Variants in ASIC2 observed in about 807,000 individuals in gnomAD.
The protein encoded by ASIC2 is acid-sensing ion channel 2.
In ASIC2, 25 loss-of-function variants were observed where a neutral mutation model predicts 57.3. That is an observed-to-expected ratio of 0.44 (90% CI 0.32 to 0.61). The LOEUF (loss-of-function observed/expected upper bound fraction) is 0.61. Among genes scored for constraint, ASIC2 ranks in the 20% least tolerant of loss-of-function variants. The pLI is 0.06. For synonymous variants in ASIC2, 319 were observed against 307.5 expected (o/e 1.04, Z -0.39); for missense variants, 641 against 738.1 (o/e 0.87, Z 1.52).
chr17:33,577,768 C>G (rs1916677510), intron 1 of ASIC2, among the ~76,000 whole-genome samples: 1 of 152,130 alleles, frequency 6.6e-6, no homozygotes, highest in African/African-American at 2.4e-5. Context: ...CCTCTGTGTT[C>G]ACACCATGTT....
chr17:33,463,747 A>G (rs1912719755), intron 1 of ASIC2, among the ~76,000 whole-genome samples: 2 of 152,342 alleles, frequency 1.3e-5, no homozygotes, highest in African/African-American at 4.8e-5. Flanking sequence ...TGGGGCTCCC[A>G]GCCCAGTCGA....
At chr17:33,579,782 A>T (rs904533178) in intron 1 of ASIC2, among the ~76,000 whole-genome samples, 1 of 152,170 alleles carries the variant, frequency 6.6e-6, no homozygotes, top group Non-Finnish European at 1.5e-5. Flanking sequence ...GCAAAAGAAC[A>T]AACTACCACA....
chr17:33,499,758 C>A (rs1914046408), intron 1 of ASIC2, among the ~76,000 whole-genome samples: 1 of 152,216 alleles, frequency 6.6e-6, no homozygotes, highest in Non-Finnish European at 1.5e-5. Context: ...CCTGCCATGC[C>A]TTTGGCCACT....
chr17:34,117,425 A>G (rs1911459311), intron 1 of ASIC2, among the ~76,000 whole-genome samples: 1 of 152,194 alleles, frequency 6.6e-6, no homozygotes, highest in Non-Finnish European at 1.5e-5. Context: ...TTGAAATGGA[A>G]GAACAACATT....
rs1905532136 is a variant in ASIC2 at position 33,292,454 on chromosome 17, C to G, written c.-339G>C. On this transcript the variant is annotated 5_prime_UTR_variant, in exon 1 of 10. Coordinates refer to ENST00000225823, the MANE Select transcript of ASIC2 (RefSeq NM_183377.2). ...GGAGGGGTCCCACTGGGAGCCGCCT[C>G]TCCAGTCCCTGGGTGCTGCGCCCGC... 1.0e-6 allele frequency: 1 copy of G among 985,546 alleles called. No individual in the cohort carries two copies. Among genetic ancestry groups the G allele is most frequent in the South Asian group, 4.7e-5 (1 of 21,292 alleles). The allele number at this position is 985,546 out of a possible 1,614,324, so 61.1% of individuals were successfully genotyped here. A position where few individuals can be genotyped will look rare whatever the true frequency, so the allele number is the denominator to read the frequency against.
chr17:33,660,461 ATTAT>A (rs1488279068), intron 1 of ASIC2, among the ~76,000 whole-genome samples: 1 of 152,036 alleles, frequency 6.6e-6, no homozygotes, highest in Admixed American at 6.6e-5. Context: ...TGTTTTTAAA[ATTAT>A]TTATTATTTT....
chr17:33,915,442 C>T (rs923666703), intron 1 of ASIC2, among the ~76,000 whole-genome samples: 2 of 152,182 alleles, frequency 1.3e-5, no homozygotes, highest in African/African-American at 4.8e-5. Flanking sequence ...TCTCTCTCAC[C>T]TTCAATGTCT....
At chr17:33,034,478 C>T (rs2091900507) in intron 3 of ASIC2, among the ~76,000 whole-genome samples, 1 of 152,160 alleles carries the variant, frequency 6.6e-6, no homozygotes, top group South Asian at 2.1e-4. Flanking sequence ...GCCTGGGTGA[C>T]AGAGCATGAG....
At chr17:34,136,357 A>G (rs1912126330) in intron 1 of ASIC2, among the ~76,000 whole-genome samples, 1 of 152,176 alleles carries the variant, frequency 6.6e-6, no homozygotes, top group Non-Finnish European at 1.5e-5. Flanking sequence ...TTCTTGATCC[A>G]GGAGAGATTT....
intron 1 of ASIC2, among the ~76,000 whole-genome samples, chr17:34,058,686 C>T (rs1908858659): frequency 8.5e-6 from 1 of 117,804 alleles, no homozygotes; most frequent in Non-Finnish European, 1.6e-5. Flanking sequence ...ATTTAGGGAA[C>T]AGAAATGTGG....
At chr17:33,320,351 C>A (rs1034264720) in intron 1 of ASIC2, among the ~76,000 whole-genome samples, 4 of 152,128 alleles carry the variant, frequency 2.6e-5, no homozygotes, top group South Asian at 2.1e-4. Context: ...GTCTTTCAAG[C>A]TTTAAAGGGT....
chr17:33,239,027 C>G (rs1164868025), intron 1 of ASIC2, among the ~76,000 whole-genome samples: 1 of 150,458 alleles, frequency 6.6e-6, no homozygotes, highest in African/African-American at 2.4e-5. Flanking sequence ...AACAAACAAA[C>G]AAAAAGTCTT....
chr17:33,750,454 G>A (rs901402716), intron 1 of ASIC2, among the ~76,000 whole-genome samples: 1 of 152,158 alleles, frequency 6.6e-6, no homozygotes, highest in Non-Finnish European at 1.5e-5. Flanking sequence ...CTGGAGCCTG[G>A]GGTGAGATGC....
chr17:34,117,241 T>C (rs537773595), intron 1 of ASIC2, among the ~76,000 whole-genome samples: 75 of 152,232 alleles, frequency 4.9e-4, no homozygotes, highest in African/African-American at 1.7e-3. Flanking sequence ...GTCTTATCTC[T>C]GGTGGAAAAA....
chr17:33,481,789 A>G (rs938748381), intron 1 of ASIC2, among the ~76,000 whole-genome samples: 68 of 152,108 alleles, frequency 4.5e-4, no homozygotes, highest in African/African-American at 1.5e-3. Context: ...TATCTCCCCT[A>G]TCCACATGGC....
At chr17:33,021,637 G>C (rs995371650) in intron 6 of ASIC2, among the ~76,000 whole-genome samples, 2 of 152,232 alleles carry the variant, frequency 1.3e-5, no homozygotes, top group African/African-American at 4.8e-5. Flanking sequence ...CAACATGAAG[G>C]TGAGTTTCAT....
Position 33,863,927 on chromosome 17 carries a change from G to A in ASIC2, c.555+292051C>T, listed in dbSNP as rs929889907. On this transcript the variant is annotated intron_variant, in intron 1 of 9. Transcript: ENST00000359872. ...TTTTTTTTTTTTTGTTTTTGAGATG[G>A]AGTTTCGCTCTTATTGTGCAGGCTA... 6.6e-4 allele frequency among the ~76,000 whole-genome samples: 98 copies of A among 148,640 alleles called. 1 individual carries two copies. The highest frequency in any genetic ancestry group is 2.4e-3 in the African/African-American group (97 of 40,428).
intron 1 of ASIC2, among the ~76,000 whole-genome samples, chr17:33,854,230 C>T (rs112500864): frequency 1.0e-3 from 157 of 149,726 alleles, no homozygotes; most frequent in African/African-American, 3.9e-3. Flanking sequence ...CTGTGTGCTT[C>T]TGCACTGTAG....
chr17:34,007,899 G>A (rs1004843711), intron 1 of ASIC2, among the ~76,000 whole-genome samples: 1 of 152,148 alleles, frequency 6.6e-6, no homozygotes, highest in African/African-American at 2.4e-5. Context: ...CAATGAAAAT[G>A]TATTTAGTAT....
Sources: allele counts gnomAD v4.1 joint callset (sites outside exome capture counted in the v4.1 genomes callset), GRCh38; gene constraint gnomAD v4.1.1; transcripts MANE v1.5; gene names NCBI Gene and HGNC (gene_info 2026-07-23, HGNC 2026-07-21).